Variants in KMT2C observed in about 807,000 individuals in gnomAD.
KMT2C encodes histone-lysine N-methyltransferase 2C.
KMT2C carries 88 observed loss-of-function variants against 507.9 expected under a neutral mutation model. The observed-to-expected ratio is 0.17, with a 90% CI of 0.15 to 0.21. KMT2C has a LOEUF of 0.21. Ranked by LOEUF, KMT2C falls within the 10% of genes least tolerant of loss-of-function variation. The probability of loss-of-function intolerance (pLI) is 1.00; values close to 1 mark genes in which losing one functional copy is unlikely to be tolerated. For synonymous variants in KMT2C, 2,049 were observed against 2,080.8 expected, an observed-to-expected ratio of 0.98 and a Z score of 0.42; for missense variants, 4,954 against 5,957.8, an observed-to-expected ratio of 0.83 and a Z score of 5.55.
chr7:152,301,056 C>CA (rs937427982), intron 6 of KMT2C, among the ~76,000 whole-genome samples: 45 of 150,212 alleles, frequency 3.0e-4, no homozygotes, highest in African/African-American at 6.6e-4. Context: ...AACTTCATCT[C>CA]AAAAAAAAGA....
At chr7:152,149,182 A>C (rs754120582) in intron 51 of KMT2C, 30 bp from the exon 52 acceptor site, 4 of 1,447,016 alleles carry the variant, frequency 2.8e-6, no homozygotes, top group Non-Finnish European at 3.6e-6. Flanking sequence ...CATGACAAAG[A>C]AAAATAATTC....
intron 6 of KMT2C, among the ~76,000 whole-genome samples, chr7:152,293,191 T>C (rs1326988023): frequency 6.6e-6 from 1 of 152,156 alleles, no homozygotes; most frequent in African/African-American, 2.4e-5. Context: ...TGCTATATAA[T>C]AGGTTATATT....
At chr7:152,426,101 T>C (rs1339258054) in intron 1 of KMT2C, among the ~76,000 whole-genome samples, 2 of 152,132 alleles carry the variant, frequency 1.3e-5, no homozygotes, top group Admixed American at 6.6e-5. Flanking sequence ...AAACATTTCA[T>C]AGAGATTTCT....
At chr7:152,294,651 A>C (rs1405245047) in intron 6 of KMT2C, among the ~76,000 whole-genome samples, 1 of 152,100 alleles carries the variant, frequency 6.6e-6, no homozygotes, top group African/African-American at 2.4e-5. Flanking sequence ...GCCACTCCCA[A>C]AATAGAAGAC....
chr7:152,206,645 G>A (rs1588198045), intron 24 of KMT2C, among the ~76,000 whole-genome samples: 3 of 152,080 alleles, frequency 2.0e-5, no homozygotes, highest in South Asian at 2.1e-4. Flanking sequence ...TACTCAACAC[G>A]TGTGATAAGC....
intron 1 of KMT2C, among the ~76,000 whole-genome samples, chr7:152,420,633 G>A (rs1044488038): frequency 1.3e-5 from 2 of 152,014 alleles, no homozygotes; most frequent in Non-Finnish European, 2.9e-5. Context: ...TCAGGAGATC[G>A]AGACCATTCT....
At chr7:152,222,138 A>G in intron 21 of KMT2C, 72 bp from the exon 22 acceptor site, 1 of 987,350 alleles carries the variant, frequency 1.0e-6, no homozygotes, top group Non-Finnish European at 1.5e-6. Flanking sequence ...CTTATATATG[A>G]TTATAATTTC....
In KMT2C at chr7:152,358,625, C is replaced by G. The variant is rs2129231457; in HGVS notation, c.212G>C (p.Gly71Ala). Residue 71 changes from glycine (G) to alanine (A), a missense_variant, in exon 2 of 59, where the codon GGG (glycine) becomes GCG (alanine). By Grantham distance (60) the Gly-to-Ala change is moderately conservative. This residue lies in a region of KMT2C where 233 missense variants were observed against 263.6 expected (regional missense o/e 0.88). Coordinates refer to ENST00000262189, the MANE Select transcript of KMT2C (RefSeq NM_170606.3). ...TAVEDEDSMD[G>A]LETTETETIV... ...CGTTTCTGTTTCTGTTGTCTCCAGC[C>G]CATCCATGCTGTCCTCATCTTCCAC... 1 of 1,612,004 alleles carries G rather than the reference C, an allele frequency of 6.2e-7. No homozygotes were observed. Among genetic ancestry groups the G allele is most frequent in the Non-Finnish European group, 8.5e-7 (1 of 1,178,886 alleles).
At chr7:152,258,498 TTTGTTG>T (rs202144630) in intron 9 of KMT2C, among the ~76,000 whole-genome samples, 6 of 151,336 alleles carry the variant, frequency 4.0e-5, no homozygotes, top group South Asian at 2.1e-4. Context: ...AGGCAGTAAG[TTTGTTG>T]TTGTTGTTGT....
In KMT2C at chr7:152,148,938, T is replaced by G. The variant is rs1213745804; in HGVS notation, c.12989A>C (p.Lys4330Thr). 1 of 1,611,162 alleles carries G rather than the reference T, an allele frequency of 6.2e-7. No individual in the cohort carries two copies. Among genetic ancestry groups the G allele is most frequent in the Admixed American group, 1.7e-5 (1 of 59,840 alleles). Residue 4330 changes from lysine to threonine, a missense_variant, in exon 52 of 59, where the codon AAG becomes ACG. Around this residue, in one of 29 missense-constraint regions of KMT2C, gnomAD observed 417 missense variants for 461.1 expected, o/e 0.90. Coordinates refer to ENST00000262189, the MANE Select transcript of KMT2C (RefSeq NM_170606.3). This position sits in a 1 kb window ranked among gnomAD's most constrained non-coding sequence, Gnocchi z 7.1. ...AKPDELKVTV[K>T]LKPRLRAVHG... ...GACAGCTCTTAGCCGAGGCTTCAGC[T>G]TGACTGTCACCTTCAGCTCATCTGG...
At chr7:152,298,667 T>C (rs1035435338) in intron 6 of KMT2C, among the ~76,000 whole-genome samples, 6 of 152,198 alleles carry the variant, frequency 3.9e-5, no homozygotes, top group Non-Finnish European at 8.8e-5. Context: ...AACAAAATGA[T>C]GTCAGATGAA....
chr7:152,424,078 G>A (rs942998114), intron 1 of KMT2C, among the ~76,000 whole-genome samples: 1 of 152,112 alleles, frequency 6.6e-6, no homozygotes, highest in African/African-American at 2.4e-5. Flanking sequence ...AAAAGAGGAT[G>A]GAAAATAATG....
intron 1 of KMT2C, among the ~76,000 whole-genome samples, chr7:152,400,300 C>G (rs1170496083): frequency 1.3e-5 from 2 of 151,870 alleles, no homozygotes; most frequent in Admixed American, 1.3e-4. Flanking sequence ...CAGAGCAAGA[C>G]TCCGTCTCAA....
At chr7:152,284,466 T>C (rs915641746) in intron 6 of KMT2C, among the ~76,000 whole-genome samples, 1 of 152,164 alleles carries the variant, frequency 6.6e-6, no homozygotes, top group African/African-American at 2.4e-5. Flanking sequence ...TAACCATAAA[T>C]GGATTTTTTA....
In KMT2C at chr7:152,176,864, A is replaced by G. The variant is rs777703127; in HGVS notation, c.8589T>C (p.Asn2863=). ...GATGCAAAGAAGTCTTTTCTCCATC[A>G]TTTAGGTCTGAGTGAGCAGAAGCCT... ...CSQASAHSDL[N]DGEKTSLHPC... is the part of the protein sequence containing the mutation. Residue 2863 remains asparagine, a synonymous_variant, in exon 38 of 59, where the codon AAT becomes AAC. Coordinates refer to ENST00000262189, the MANE Select transcript of KMT2C (RefSeq NM_170606.3). The G allele has an allele frequency of 5.0e-6, 8 of 1,614,090 alleles. No homozygotes were observed. The Admixed American group carries it at 8.3e-5, about 17-fold the overall frequency.
intron 43 of KMT2C, among the ~76,000 whole-genome samples, chr7:152,159,623 C>T (rs927329813): frequency 6.6e-6 from 1 of 152,086 alleles, no homozygotes; most frequent in South Asian, 2.1e-4. Flanking sequence ...AGTTCACAAC[C>T]GTATTTGACT....
chr7:152,290,280 ATATATATATATATATTTTTTTTTTTTT>A (rs2096398194), intron 6 of KMT2C, among the ~76,000 whole-genome samples: 15 of 31,942 alleles, frequency 4.7e-4, no homozygotes, highest in African/African-American at 2.0e-3. Context: ...ATATATATAT[ATATATATATATATATTTTTTTTTTTTT>A]TTTTTTTTTT....
In KMT2C at chr7:152,230,253, C is replaced by T. The variant is rs2095067444; in HGVS notation, c.2838G>A (p.Leu946=). 6.2e-7 allele frequency: 1 copy of T among 1,603,952 alleles called. No individual in the cohort carries two copies. Among genetic ancestry groups the T allele is most frequent in the Non-Finnish European group, 8.5e-7 (1 of 1,175,206 alleles). Residue 946 remains leucine, a synonymous_variant, in exon 17 of 59, where the codon TTG becomes TTA. Transcript: ENST00000262189. ...AAGTGAACTTGTCACTGCTAGAAAA[C>T]AACACAACTGTATTGTGCATAGAGT... is the stretch of plus-strand genomic sequence containing the variant. ...EENSMHNTVV[L]FSSSDKFTLN... is the part of the protein sequence containing the mutation.
At chr7:152,366,384 T>C (rs1032726728) in intron 1 of KMT2C, among the ~76,000 whole-genome samples, 1 of 152,184 alleles carries the variant, frequency 6.6e-6, no homozygotes, top group African/African-American at 2.4e-5. Context: ...GCAGTATGTC[T>C]ATGGTGGAAT....
Sources: gnomAD v4.1 joint callset for allele counts (sites outside exome capture counted in the v4.1 genomes callset) on GRCh38, gnomAD v4.1.1 for gene constraint, gnomAD v4.1.1 regional missense constraint, Gnocchi (gnomAD v3.1) non-coding constraint, MANE v1.5 for transcripts, NCBI Gene and HGNC (gene_info 2026-07-23, HGNC 2026-07-21) for gene names.